Variants in DPP6 observed in about 807,000 individuals in gnomAD.
DPP6 encodes A-type potassium channel modulatory protein DPP6.
A neutral mutation model predicts 122.6 loss-of-function variants in DPP6; 69 were observed. The ratio of observed to expected loss-of-function variants is 0.56; its 90% CI spans 0.46 to 0.69. The LOEUF is 0.69. DPP6 is among the 30% of genes least tolerant of loss of function. The probability of loss-of-function intolerance (pLI) is 0.00; values close to 1 mark genes in which losing one functional copy is unlikely to be tolerated. For synonymous variants in DPP6, 418 were observed against 433.1 expected (o/e 0.97, Z 0.43); for missense variants, 928 against 1,116.9 (o/e 0.83, Z 2.41).
At chr7:154,521,086 A>G (rs1826936593) in intron 3 of DPP6, among the ~76,000 whole-genome samples, 1 of 152,192 alleles carries the variant, frequency 6.6e-6, no homozygotes, top group South Asian at 2.1e-4. Context: ...AGATCCTTCA[A>G]AAAATCTTAG....
chr7:154,244,949 G>A (rs978009321), intron 1 of DPP6, among the ~76,000 whole-genome samples: 7 of 138,638 alleles, frequency 5.0e-5, no homozygotes, highest in African/African-American at 1.8e-4. Flanking sequence ...TATCTAAAGG[G>A]ACTTTTTTTT....
At chr7:153,910,234 C>CTTTTTTCTTTTTTTTTTTTTTTTT (rs750065238) in intron 1 of DPP6, among the ~76,000 whole-genome samples, 26 of 137,736 alleles carry the variant, frequency 1.9e-4, no homozygotes, top group Non-Finnish European at 2.7e-4. Context: ...TTCTTTCTTT[C>CTTTTTTCTTTTTTTTTTTTTTTTT]TTTTTTTTTT....
intron 1 of DPP6, among the ~76,000 whole-genome samples, chr7:154,373,067 G>A (rs935440346): frequency 4.6e-5 from 7 of 152,088 alleles, no homozygotes; most frequent in African/African-American, 1.4e-4. Context: ...TGCACCATCC[G>A]CTTCCTCTCT....
intron 1 of DPP6, among the ~76,000 whole-genome samples, chr7:154,307,504 A>G (rs1054629238): frequency 6.6e-6 from 1 of 152,072 alleles, no homozygotes; most frequent in African/African-American, 2.4e-5. Flanking sequence ...ACCATGAAGT[A>G]TAATGAAGAG....
chr7:154,726,496 G>T (rs1379732877), intron 7 of DPP6, among the ~76,000 whole-genome samples: 1 of 152,150 alleles, frequency 6.6e-6, no homozygotes, highest in Non-Finnish European at 1.5e-5. Context: ...TTTAGCCATG[G>T]CTGGAGCTGG....
intron 22 of DPP6, among the ~76,000 whole-genome samples, chr7:154,886,681 C>T (rs887655823): frequency 3.0e-4 from 46 of 152,308 alleles, no homozygotes; most frequent in African/African-American, 8.4e-4. Context: ...GCTGCTGGTC[C>T]ACCGCAGTCC....
intron 1 of DPP6, among the ~76,000 whole-genome samples, chr7:154,141,169 T>C (rs1205398953): frequency 6.6e-6 from 1 of 152,234 alleles, no homozygotes; most frequent in Non-Finnish European, 1.5e-5. Flanking sequence ...CTTCAGCTTG[T>C]GTACAAGGAT....
intron 7 of DPP6, among the ~76,000 whole-genome samples, chr7:154,678,028 A>G (rs900518652): frequency 1.3e-5 from 2 of 152,214 alleles, no homozygotes; most frequent in African/African-American, 4.8e-5. Flanking sequence ...CACACCAATC[A>G]GAGCTCCTGT....
At chr7:154,505,772 G>C (rs1427460041) in intron 3 of DPP6, among the ~76,000 whole-genome samples, 1 of 152,150 alleles carries the variant, frequency 6.6e-6, no homozygotes, top group Non-Finnish European at 1.5e-5. Flanking sequence ...TGTTGACCTT[G>C]ATCACCTGGC....
At chr7:154,588,869 A>G (rs781105512) in intron 5 of DPP6, among the ~76,000 whole-genome samples, 4 of 152,180 alleles carry the variant, frequency 2.6e-5, no homozygotes, top group Non-Finnish European at 5.9e-5. Flanking sequence ...AGTTTAGACT[A>G]TTCTTTCAAG....
intron 1 of DPP6, among the ~76,000 whole-genome samples, chr7:153,959,129 C>T (rs1795218376): frequency 6.6e-6 from 1 of 151,506 alleles, no homozygotes; most frequent in Non-Finnish European, 1.5e-5. Flanking sequence ...CTTCTGGTCA[C>T]TAAGGGAAAG....
At chr7:154,435,025 T>TA (rs775344860) in intron 1 of DPP6, among the ~76,000 whole-genome samples, 6 of 151,972 alleles carry the variant, frequency 3.9e-5, no homozygotes, top group Non-Finnish European at 8.8e-5. Flanking sequence ...TTAGTAGAGA[T>TA]AGTGTTTCAC....
rs1214954713 is a variant in DPP6 at position 154,061,624 on chromosome 7, G to C, written c.243+8561G>C. On this transcript the variant is annotated intron_variant, in intron 1 of 25. Transcript: ENST00000377770. ...TCTTGGGACTCCCATCACAGGGGGG[G>C]GAGGCACCCGCTGCGAGGCGGGGAC... is the stretch of plus-strand genomic sequence containing the variant. Among the ~76,000 whole-genome samples the C allele has an allele frequency of 1.4e-5, 2 of 143,372 alleles. 1 individual carries two copies. The highest frequency in any genetic ancestry group is 5.2e-5 in the African/African-American group (2 of 38,368). The allele number at this position is 143,372 out of a possible 152,430, so 94.1% of individuals were successfully genotyped here.
At chr7:154,359,806 A>G (rs751724967) in intron 1 of DPP6, among the ~76,000 whole-genome samples, 2 of 152,352 alleles carry the variant, frequency 1.3e-5, no homozygotes, top group East Asian at 3.9e-4. Context: ...AGAGGCAGTC[A>G]GATAGTCAAA....
At chr7:154,689,823 T>C (rs1839837182) in intron 7 of DPP6, among the ~76,000 whole-genome samples, 1 of 152,252 alleles carries the variant, frequency 6.6e-6, no homozygotes, top group African/African-American at 2.4e-5. Context: ...TGGAATATGA[T>C]GACAATGCTG....
Position 154,058,478 on chromosome 7 carries a change from G to T in DPP6, c.243+5415G>T, listed in dbSNP as rs372936197. On this transcript the variant is annotated intron_variant, in intron 1 of 25. Coordinates refer to ENST00000377770, the MANE Select transcript of DPP6 (RefSeq NM_130797.4). Reference sequence around the variant, plus strand: ...CTGGCTGTTGGTACCCCCATCGTAGGGGGGGGGAGGCACCCTCCGCGAGGC... The same window carrying T: ...CTGGCTGTTGGTACCCCCATCGTAGTGGGGGGGAGGCACCCTCCGCGAGGC... 1.1e-3 allele frequency: 151 copies of T among 132,614 alleles called. 8 individuals carry two copies. Among genetic ancestry groups the T allele is most frequent in the African/African-American group, 4.1e-3 (143 of 34,916 alleles). 8.2% of individuals were successfully genotyped at this position (132,614 alleles called of 1,614,324 possible).
At chr7:153,822,650 GAAATA>G in the DPP6 span, among the ~76,000 whole-genome samples, 6 of 152,288 alleles carry the variant, frequency 3.9e-5, no homozygotes, top group South Asian at 6.2e-4. Flanking sequence ...AAGCATTCCA[GAAATA>G]AAATCAGCAT....
At chr7:154,643,619 C>T (rs547961107) in intron 6 of DPP6, among the ~76,000 whole-genome samples, 2 of 152,132 alleles carry the variant, frequency 1.3e-5, no homozygotes, top group Admixed American at 6.5e-5. Flanking sequence ...CAGGCACCCA[C>T]CACCACTCCT....
At chr7:154,083,335 G>C (rs1804168284) in intron 1 of DPP6, among the ~76,000 whole-genome samples, 1 of 152,214 alleles carries the variant, frequency 6.6e-6, no homozygotes, top group South Asian at 2.1e-4. Context: ...CACTCAGGTT[G>C]GCAGACTCTG....
Sources: allele counts gnomAD v4.1 joint callset (sites outside exome capture counted in the v4.1 genomes callset), GRCh38; gene constraint gnomAD v4.1.1; transcripts MANE v1.5; gene names NCBI Gene and HGNC (gene_info 2026-07-23, HGNC 2026-07-21).